The following EPB41L3 variants were observed in gnomAD, a reference collection of about 807,000 sequenced individuals.
EPB41L3 encodes band 4.1-like protein 3.
In EPB41L3, 57 loss-of-function variants were observed where a neutral mutation model predicts 127.1. The ratio of observed to expected loss-of-function variants is 0.45; its 90% CI spans 0.36 to 0.56. The LOEUF (loss-of-function observed/expected upper bound fraction) is 0.56. Among genes scored for constraint, EPB41L3 ranks in the 20% least tolerant of loss-of-function variants. EPB41L3 has a pLI of 0.00. For missense variants in EPB41L3, 1,273 were observed against 1,372.2 expected (o/e 0.93, Z 1.14); for synonymous variants, 572 against 549.5 (o/e 1.04, Z -0.57).
At chr18:5,542,939 G>A (rs1033394090) in intron 1 of EPB41L3, among the ~76,000 whole-genome samples, 3 of 152,120 alleles carry the variant, frequency 2.0e-5, no homozygotes, top group Non-Finnish European at 2.9e-5. Flanking sequence ...GGAAACACTC[G>A]CCAGGAACTG....
intron 1 of EPB41L3, among the ~76,000 whole-genome samples, chr18:5,622,075 T>C (rs1393982293): frequency 3.3e-5 from 5 of 151,990 alleles, no homozygotes; most frequent in African/African-American, 1.2e-4. Flanking sequence ...TTTTTAAACA[T>C]GAAAAAGGGC....
At chr18:5,470,014 G>A (rs1254645256) in intron 3 of EPB41L3, among the ~76,000 whole-genome samples, 2 of 152,182 alleles carry the variant, frequency 1.3e-5, no homozygotes, top group African/African-American at 2.4e-5. Flanking sequence ...TCCTGACCTC[G>A]TGATCTACCC....
At chr18:5,614,472 C>A (rs1461574644) in intron 1 of EPB41L3, 4 of 152,202 alleles carry the variant, frequency 2.6e-5, no homozygotes, top group African/African-American at 9.6e-5. Context: ...GCTCTGGAGT[C>A]TCTCCGCAAA....
intron 1 of EPB41L3, among the ~76,000 whole-genome samples, chr18:5,511,078 T>C (rs1184337104): frequency 2.0e-5 from 3 of 152,108 alleles, no homozygotes; most frequent in Non-Finnish European, 4.4e-5. Context: ...ATACCTGTTA[T>C]GCAGTGAAAG....
chr18:5,619,435 G>A (rs1448421143), intron 1 of EPB41L3, among the ~76,000 whole-genome samples: 1 of 151,882 alleles, frequency 6.6e-6, no homozygotes, highest in Non-Finnish European at 1.5e-5. Flanking sequence ...ATAATTTTGT[G>A]GGTCAGACAC....
At chr18:5,577,326 T>A (rs1388812156) in intron 3 of EPB41L3, 2 of 452,422 alleles carry the variant, frequency 4.4e-6, no homozygotes, top group Non-Finnish European at 8.9e-6. Context: ...TCCGAAAATT[T>A]TACCTCCAAA....
At chr18:5,531,653 G>A (rs1180401120) in intron 1 of EPB41L3, among the ~76,000 whole-genome samples, 2 of 149,832 alleles carry the variant, frequency 1.3e-5, no homozygotes, top group Non-Finnish European at 3.0e-5. Flanking sequence ...AACCTGGGAG[G>A]TGGAGGTAGA....
At chr18:5,448,540 T>A (rs1313941307) in intron 3 of EPB41L3, among the ~76,000 whole-genome samples, 1 of 152,192 alleles carries the variant, frequency 6.6e-6, no homozygotes, top group Non-Finnish European at 1.5e-5. Context: ...GACATGTTGT[T>A]CTTTAAGTGA....
At chr18:5,404,230 C>A (rs886539770) in intron 16 of EPB41L3, among the ~76,000 whole-genome samples, 3 of 152,170 alleles carry the variant, frequency 2.0e-5, no homozygotes, top group Admixed American at 6.5e-5. Context: ...CTTTTCAGGG[C>A]TCCTTTGATA....
At chr18:5,615,294 G>A (rs1034470962) in intron 1 of EPB41L3, among the ~76,000 whole-genome samples, 1 of 152,050 alleles carries the variant, frequency 6.6e-6, no homozygotes, top group African/African-American at 2.4e-5. Context: ...TTTCACAGAG[G>A]TAGTCTGTCT....
chr18:5,624,874 G>C (rs2094904682), intron 1 of EPB41L3, among the ~76,000 whole-genome samples: 1 of 152,240 alleles, frequency 6.6e-6, no homozygotes, highest in African/African-American at 2.4e-5. Context: ...AGATGAGAGA[G>C]AGAGATCTCT....
intron 1 of EPB41L3, among the ~76,000 whole-genome samples, chr18:5,536,620 G>A (rs1449260463): frequency 3.3e-5 from 5 of 151,136 alleles, no homozygotes; most frequent in South Asian, 2.1e-4. Context: ...CCTTGCCAAC[G>A]TGGTAAAACC....
At chr18:5,449,387 T>C (rs1047023408) in intron 3 of EPB41L3, among the ~76,000 whole-genome samples, 12 of 152,198 alleles carry the variant, frequency 7.9e-5, no homozygotes, top group African/African-American at 2.9e-4. Context: ...CTGACAAGAA[T>C]GCAAAATGGT....
intron 3 of EPB41L3, chr18:5,610,228 G>C (rs1371304454): frequency 1.0e-6 from 1 of 985,248 alleles, no homozygotes; most frequent in Non-Finnish European, 1.2e-6. Context: ...AGTGAGACAA[G>C]AAGGGTGAGC....
chr18:5,588,896 G>A (rs1214317106), intron 3 of EPB41L3, among the ~76,000 whole-genome samples: 1 of 151,958 alleles, frequency 6.6e-6, no homozygotes, highest in Non-Finnish European at 1.5e-5. Flanking sequence ...AAAGAGTAGG[G>A]CCAGTTATTA....
intron 3 of EPB41L3, among the ~76,000 whole-genome samples, chr18:5,611,745 T>C (rs1487411661): frequency 6.6e-6 from 1 of 151,884 alleles, no homozygotes; most frequent in Non-Finnish European, 1.5e-5. Context: ...CTGAGCAACA[T>C]AGTGAGACAC....
At chr18:5,556,213 A>T (rs1304588194) in intron 3 of EPB41L3, among the ~76,000 whole-genome samples, 1 of 152,246 alleles carries the variant, frequency 6.6e-6, no homozygotes, top group Non-Finnish European at 1.5e-5. Flanking sequence ...GTTGGTAGCC[A>T]GGGGCTCACT....
intron 3 of EPB41L3, among the ~76,000 whole-genome samples, chr18:5,599,364 C>T (rs559263379): frequency 2.6e-5 from 4 of 152,290 alleles, no homozygotes; most frequent in Middle Eastern, 6.8e-3. Context: ...TCTCAATTCT[C>T]TGTATCCCTT....
chr18:5,545,842 A>G (rs973213487), upstream of EPB41L3, among the ~76,000 whole-genome samples: 4 of 151,800 alleles, frequency 2.6e-5, no homozygotes, highest in African/African-American at 9.7e-5. Flanking sequence ...AGAGACATAT[A>G]TGCACATATC....
Sources: allele counts gnomAD v4.1 joint callset (sites outside exome capture counted in the v4.1 genomes callset), GRCh38; gene constraint gnomAD v4.1.1; transcripts MANE v1.5; gene names NCBI Gene and HGNC (gene_info 2026-07-23, HGNC 2026-07-21).